Variants in CAPZA2 observed in about 807,000 individuals in gnomAD.
CAPZA2 encodes the protein F-actin-capping protein subunit alpha-2.
A neutral mutation model predicts 44.0 loss-of-function variants in CAPZA2; 13 were observed. The ratio of observed to expected loss-of-function variants is 0.30; its 90% CI spans 0.19 to 0.47. CAPZA2 has a LOEUF of 0.47. Ranked by LOEUF, CAPZA2 falls within the 20% of genes least tolerant of loss-of-function variation. The pLI, the probability that CAPZA2 is intolerant of heterozygous loss-of-function variation, is 1.00. For synonymous variants in CAPZA2, 94 were observed against 108.2 expected (o/e 0.87, Z 0.81); for missense variants, 244 against 338.6 (o/e 0.72, Z 2.19).
chr7:116,898,653 ATTTAT>A (rs973017342), intron 3 of CAPZA2, 114 bp from the exon 4 acceptor site: 1 of 527,820 alleles, frequency 1.9e-6, no homozygotes, highest in African/African-American at 2.0e-5. Context: ...TTACAATTTT[ATTTAT>A]TTTGCAGTGT....
chr7:116,909,315 A>G (rs1791555404), intron 6 of CAPZA2, among the ~76,000 whole-genome samples: 2 of 152,186 alleles, frequency 1.3e-5, no homozygotes, highest in African/African-American at 4.8e-5. Flanking sequence ...CTTAGCGTGC[A>G]GAGAGCAAAC....
intron 1 of CAPZA2, among the ~76,000 whole-genome samples, chr7:116,863,340 T>C (rs1415201279): frequency 2.0e-5 from 3 of 151,678 alleles, no homozygotes; most frequent in African/African-American, 7.3e-5. Context: ...GACGACCCCC[T>C]CCCCATAGTT....
At chr7:116,882,530 A>G (rs916244558) in intron 1 of CAPZA2, among the ~76,000 whole-genome samples, 2 of 152,152 alleles carry the variant, frequency 1.3e-5, no homozygotes, top group Non-Finnish European at 2.9e-5. Context: ...ACGAAAAAAT[A>G]TTGTTTGACA....
chr7:116,884,144 A>G (rs1388259331), intron 1 of CAPZA2, among the ~76,000 whole-genome samples: 1 of 151,928 alleles, frequency 6.6e-6, no homozygotes, highest in Admixed American at 6.6e-5. Flanking sequence ...CCTATACCCT[A>G]CTCTCTCCTT....
chr7:116,886,365 G>A (rs1417545184), intron 1 of CAPZA2, among the ~76,000 whole-genome samples: 1 of 152,140 alleles, frequency 6.6e-6, no homozygotes, highest in African/African-American at 2.4e-5. Flanking sequence ...TGAAGGCCTT[G>A]TCATACATGT....
Position 116,917,536 on chromosome 7 carries a change from C to T in CAPZA2, c.721-191C>T, listed in dbSNP as rs1426834342. Among the ~76,000 whole-genome samples, 4 of 152,196 alleles carry T rather than the reference C, an allele frequency of 2.6e-5. No homozygotes were observed. In the East Asian group the frequency reaches 7.7e-4, roughly 29 times the overall value. On this transcript the variant is annotated intron_variant, in intron 9 of 9. Transcript: ENST00000361183. Reference sequence around the variant, plus strand: ...CCTCCCAAAGTGCTGGGATTACAGGCGTGAGCCACCGCGCCCGGCTCTTCT... The same window carrying T: ...CCTCCCAAAGTGCTGGGATTACAGGTGTGAGCCACCGCGCCCGGCTCTTCT...
intron 1 of CAPZA2, among the ~76,000 whole-genome samples, chr7:116,876,807 A>G (rs777372090): frequency 5.3e-5 from 8 of 152,316 alleles, no homozygotes; most frequent in Non-Finnish European, 1.0e-4. Flanking sequence ...AATCACAAAT[A>G]CTCAGCAGCC....
chr7:116,911,177 C>T (rs541467687), intron 7 of CAPZA2, among the ~76,000 whole-genome samples: 7 of 152,060 alleles, frequency 4.6e-5, no homozygotes, highest in Admixed American at 4.6e-4. Context: ...AAAATGGTGC[C>T]CCTTGTAGGA....
At chr7:116,910,771 C>G (rs894174802) in intron 7 of CAPZA2, among the ~76,000 whole-genome samples, 2 of 151,916 alleles carry the variant, frequency 1.3e-5, no homozygotes, top group Non-Finnish European at 2.9e-5. Context: ...TTTGGGAGGC[C>G]GAGGTGGGTG....
rs1328529328 is a variant in CAPZA2, at chr7:116,921,853, C to G, written c.*3986C>G. ...TGCCACTCAGCATTGGAAAGGTCAC[C>G]TCTGTGACATTAAAATCAAGAATTC... On this transcript the variant is annotated 3_prime_UTR_variant, in exon 10 of 10. Coordinates refer to ENST00000361183, the MANE Select transcript of CAPZA2 (RefSeq NM_006136.3). The G allele has an allele frequency of 6.6e-6, 1 of 152,104 alleles. No individual in the cohort carries two copies. Among genetic ancestry groups the G allele is most frequent in the Non-Finnish European group, 1.5e-5 (1 of 68,028 alleles). The allele number at this position is 152,104 out of a possible 1,614,324, so 9.4% of individuals were successfully genotyped here.
At chr7:116,879,124 CAAAAAAAAAAAAAAA>C (rs71148337) in intron 1 of CAPZA2, among the ~76,000 whole-genome samples, 20 of 45,302 alleles carry the variant, frequency 4.4e-4, no homozygotes, top group Non-Finnish European at 8.0e-4. Flanking sequence ...AACTCTGTCT[CAAAAAAAAAAAAAAA>C]AAAAAAAAAA....
chr7:116,903,509 C>T (rs1797022779), intron 4 of CAPZA2, among the ~76,000 whole-genome samples: 1 of 151,872 alleles, frequency 6.6e-6, no homozygotes, highest in African/African-American at 2.4e-5. Context: ...CCCGACATAG[C>T]TAAGGAGTCA....
chr7:116,917,387 C>T (rs924287228), intron 9 of CAPZA2, among the ~76,000 whole-genome samples: 60 of 152,018 alleles, frequency 3.9e-4, no homozygotes, highest in African/African-American at 1.4e-3. Flanking sequence ...CCCGAGTAGC[C>T]GGGACTACAG....
chr7:116,910,990 CAAAAAA>C (rs57772383), intron 7 of CAPZA2, among the ~76,000 whole-genome samples: 6 of 50,608 alleles, frequency 1.2e-4, no homozygotes, highest in African/African-American at 4.4e-4. Flanking sequence ...GACTCCGTCT[CAAAAAA>C]AAAAAAAAAA....
chr7:116,907,294 T>G lies in CAPZA2; in HGVS notation c.506+952T>G, dbSNP rs529714065. On this transcript the variant is annotated intron_variant, in intron 6 of 9. Transcript: ENST00000361183. ...AAGGAAAATCAATGCCATATGTGAA[T>G]GTATGCCTTAATGACTAGCCACAGT... Among the ~76,000 whole-genome samples, 4 of 152,322 alleles carry G rather than the reference T, an allele frequency of 2.6e-5. No homozygotes were observed. The South Asian group carries it at 8.3e-4, about 32-fold the overall frequency.
chr7:116,918,036 T>C lies in CAPZA2; in HGVS notation c.*169T>C, dbSNP rs1426950364. 3.6e-6 allele frequency: 2 copies of C among 561,354 alleles called. No homozygotes were observed. Among genetic ancestry groups the C allele is most frequent in the Non-Finnish European group, 6.4e-6 (2 of 314,894 alleles). The allele number at this position is 561,354 out of a possible 1,614,324, so 34.8% of individuals were successfully genotyped here. On this transcript the variant is annotated 3_prime_UTR_variant, in exon 10 of 10. Transcript: ENST00000361183. ...AGCTTAGCTAATCAACCATTATTTT[T>C]CATTTTGTTTGTTCTAAGAGGATTG...
At position 116,919,298 on chromosome 7, in the gene CAPZA2, C is replaced by G. The variant is rs974895154; in HGVS notation, c.*1431C>G. The G allele has an allele frequency of 6.6e-6, 1 of 152,274 alleles. No homozygotes were observed. The highest frequency in any genetic ancestry group is 1.5e-5 in the Non-Finnish European group (1 of 67,980). 9.4% of individuals were successfully genotyped at this position (152,274 alleles called of 1,614,324 possible). On this transcript the variant is annotated 3_prime_UTR_variant, in exon 10 of 10. Coordinates refer to ENST00000361183, the MANE Select transcript of CAPZA2 (RefSeq NM_006136.3). ...TCATCTTTTCTTTAGTTTTAAAATA[C>G]AAGTTTTGGCACATTGGGATTCCTA...
At chr7:116,898,396 A>G (rs1233937323) in intron 3 of CAPZA2, among the ~76,000 whole-genome samples, 1 of 151,920 alleles carries the variant, frequency 6.6e-6, no homozygotes, top group East Asian at 1.9e-4. Flanking sequence ...CAGAGAATGT[A>G]TCTAAGTATT....
chr7:116,876,413 A>G (rs1318047079), intron 1 of CAPZA2: 2 of 152,154 alleles, frequency 1.3e-5, no homozygotes, highest in Admixed American at 6.5e-5. Flanking sequence ...TTGTATGTCA[A>G]CCACTTCTCT....
Sources: gnomAD v4.1 joint callset for allele counts (sites outside exome capture counted in the v4.1 genomes callset) on GRCh38, gnomAD v4.1.1 for gene constraint, MANE v1.5 for transcripts, NCBI Gene and HGNC (gene_info 2026-07-23, HGNC 2026-07-21) for gene names.